BNC2: variants seen among roughly 807,000 people sequenced by gnomAD.
The protein encoded by BNC2 is basonuclin zinc finger protein 2.
Under a neutral mutation model 76.3 loss-of-function variants are expected in BNC2, and 20 were observed. The ratio of observed to expected loss-of-function variants is 0.26; its 90% CI spans 0.18 to 0.38. The LOEUF (loss-of-function observed/expected upper bound fraction) is 0.38, where lower values mean the gene tolerates loss of function less well. BNC2 is among the 10% of genes least tolerant of loss of function. The probability of loss-of-function intolerance (pLI) is 1.00; values close to 1 mark genes in which losing one functional copy is unlikely to be tolerated. For synonymous variants in BNC2, 582 were observed against 514.8 expected (o/e 1.13, Z -1.77); for missense variants, 1,382 against 1,399.8 (o/e 0.99, Z 0.20).
At chr9:16,861,181 A>AACATATATATATAT (rs1287136917) in intron 1 of BNC2, among the ~76,000 whole-genome samples, 1 of 131,698 alleles carries the variant, frequency 7.6e-6, no homozygotes, top group African/African-American at 3.1e-5. Context: ...ATCTCTACAA[A>AACATATATATATAT]ATATATATAT....
At chr9:16,788,476 C>G (rs1194628929) in intron 1 of BNC2, among the ~76,000 whole-genome samples, 1 of 151,308 alleles carries the variant, frequency 6.6e-6, no homozygotes, top group Non-Finnish European at 1.5e-5. Context: ...TGGCGTGAAC[C>G]CAGGAGGCGG....
At chr9:16,829,593 T>C (rs544585695) in intron 1 of BNC2, among the ~76,000 whole-genome samples, 1 of 152,278 alleles carries the variant, frequency 6.6e-6, no homozygotes, top group South Asian at 2.1e-4. Flanking sequence ...TAGTTCCTAT[T>C]CTCAGGGGTG....
chr9:16,812,125 C>G (rs908760260), intron 1 of BNC2, among the ~76,000 whole-genome samples: 2 of 152,180 alleles, frequency 1.3e-5, no homozygotes, highest in Admixed American at 6.5e-5. Flanking sequence ...CTTTTGCTAC[C>G]TGCCTGGCTA....
intron 1 of BNC2, among the ~76,000 whole-genome samples, chr9:16,763,088 G>T (rs1825598065): frequency 6.6e-6 from 1 of 152,178 alleles, no homozygotes; most frequent in Admixed American, 6.5e-5. Context: ...AGCTCAACCT[G>T]CAGTTGAACC....
intron 1 of BNC2, among the ~76,000 whole-genome samples, chr9:16,824,627 A>G (rs1434186298): frequency 1.3e-5 from 2 of 152,162 alleles, no homozygotes; most frequent in African/African-American, 4.8e-5. Flanking sequence ...TGTCACTTCT[A>G]GTCACTGCTA....
chr9:16,470,281 G>A, intron 5 of BNC2, among the ~76,000 whole-genome samples: 1 of 152,124 alleles, frequency 6.6e-6, no homozygotes, highest in Non-Finnish European at 1.5e-5. Flanking sequence ...ACAGGCATGA[G>A]CCACCATGCC....
At chr9:16,461,635 A>T (rs2131242548) in intron 5 of BNC2, among the ~76,000 whole-genome samples, 1 of 152,146 alleles carries the variant, frequency 6.6e-6, no homozygotes, top group East Asian at 1.9e-4. Flanking sequence ...GGTTTCGGGT[A>T]TCACAGGTGC....
intron 3 of BNC2, among the ~76,000 whole-genome samples, chr9:16,673,059 T>C (rs1438614412): frequency 6.6e-6 from 1 of 152,176 alleles, no homozygotes; most frequent in African/African-American, 2.4e-5. Flanking sequence ...TATTTTGTTT[T>C]GTCTTAGTGT....
intron 5 of BNC2, among the ~76,000 whole-genome samples, chr9:16,443,064 CAAAAAA>C (rs908689709): frequency 1.4e-3 from 89 of 63,672 alleles, no homozygotes; most frequent in African/African-American, 4.5e-3. Flanking sequence ...GAGACTCTGT[CAAAAAA>C]AAAAAAAAAA....
chr9:16,619,043 T>C (rs2133558357), intron 3 of BNC2, among the ~76,000 whole-genome samples: 1 of 152,272 alleles, frequency 6.6e-6, no homozygotes, highest in African/African-American at 2.4e-5. Context: ...GTATGCTGGG[T>C]GCAAAGATCA....
chr9:16,559,059 T>A (rs1554673744), intron 4 of BNC2, among the ~76,000 whole-genome samples: 1 of 152,168 alleles, frequency 6.6e-6, no homozygotes, highest in Non-Finnish European at 1.5e-5. Flanking sequence ...CTAAACAATT[T>A]CACATCTTAT....
At chr9:16,504,333 A>G (rs1034594461) in intron 5 of BNC2, among the ~76,000 whole-genome samples, 7 of 151,814 alleles carry the variant, frequency 4.6e-5, no homozygotes, top group Non-Finnish European at 1.0e-4. Context: ...GAATACATGT[A>G]TTAATACATG....
intron 1 of BNC2, among the ~76,000 whole-genome samples, chr9:16,843,252 G>C (rs1457028919): frequency 6.6e-6 from 1 of 152,106 alleles, no homozygotes; most frequent in Non-Finnish European, 1.5e-5. Context: ...CTTTAAAAAG[G>C]GCAGGGTTAT....
chr9:16,442,266 G>C lies in BNC2; in HGVS notation c.670-4742C>G, dbSNP rs377421684. Among the ~76,000 whole-genome samples the C allele has an allele frequency of 3.3e-5, 5 of 152,138 alleles. No homozygotes were observed. The East Asian group carries it at 9.6e-4, about 29-fold the overall frequency. On this transcript the variant is annotated intron_variant, in intron 5 of 6. Coordinates refer to ENST00000380672, the MANE Select transcript of BNC2 (RefSeq NM_017637.6). ...CCAAATAATATAGACTTATAAACCA[G>C]TTTTACTGGGTTCAGAAAAAGTATA...
intron 5 of BNC2, among the ~76,000 whole-genome samples, chr9:16,535,788 G>C (rs1325251107): frequency 6.6e-6 from 1 of 152,136 alleles, no homozygotes; most frequent in East Asian, 1.9e-4. Flanking sequence ...AATGTGACTG[G>C]CTTTGGCTGA....
intron 1 of BNC2, among the ~76,000 whole-genome samples, chr9:16,789,901 T>C (rs1487922062): frequency 1.3e-5 from 2 of 152,222 alleles, no homozygotes; most frequent in African/African-American, 4.8e-5. Context: ...TATACCCTCA[T>C]CACTTACAAG....
intron 3 of BNC2, among the ~76,000 whole-genome samples, chr9:16,716,582 T>C (rs1162542997): frequency 1.3e-5 from 2 of 152,226 alleles, no homozygotes; most frequent in Non-Finnish European, 2.9e-5. Flanking sequence ...ATACCCTATT[T>C]AGCAGAGGGA....
intron 1 of BNC2, among the ~76,000 whole-genome samples, chr9:16,851,002 G>A (rs190348352): frequency 6.6e-6 from 1 of 151,882 alleles, no homozygotes; most frequent in East Asian, 1.9e-4. Context: ...AGCATTTTAA[G>A]CTATGACACC....
chr9:16,573,079 T>C (rs1215085815), intron 4 of BNC2, among the ~76,000 whole-genome samples: 2 of 151,550 alleles, frequency 1.3e-5, no homozygotes, highest in Non-Finnish European at 2.9e-5. Flanking sequence ...AATACAAAAA[T>C]TAGCTGGGCG....
Sources: allele counts gnomAD v4.1 joint callset (sites outside exome capture counted in the v4.1 genomes callset), GRCh38; gene constraint gnomAD v4.1.1; transcripts MANE v1.5; gene names NCBI Gene and HGNC (gene_info 2026-07-23, HGNC 2026-07-21).